TAFA3: variants seen among roughly 807,000 people sequenced by gnomAD.
TAFA3 encodes chemokine-like protein TAFA-3.
Under a neutral mutation model 20.7 loss-of-function variants are expected in TAFA3, and 17 were observed. The ratio of observed to expected loss-of-function variants is 0.82; its 90% CI spans 0.56 to 1.23. The LOEUF (loss-of-function observed/expected upper bound fraction) is 1.23. Ranked by LOEUF, TAFA3 falls within the 50% of genes most tolerant of loss-of-function variation. The pLI is 0.00. For synonymous variants in TAFA3, 74 were observed against 71.8 expected (o/e 1.03, Z -0.16); for missense variants, 174 against 172.8 (o/e 1.01, Z -0.04).
chr1:112,725,414 A>C (rs916566188), intron 5 of TAFA3, among the ~76,000 whole-genome samples: 1 of 152,004 alleles, frequency 6.6e-6, no homozygotes, highest in Non-Finnish European at 1.5e-5. Flanking sequence ...AAAAAAAAAA[A>C]ACATAGTCGA....
chr1:112,721,752 G>A (rs1675334595), intron 2 of TAFA3, among the ~76,000 whole-genome samples: 1 of 152,194 alleles, frequency 6.6e-6, no homozygotes, highest in South Asian at 2.1e-4. Flanking sequence ...ATCTGGATGG[G>A]ACTGCATTTG....
At chr1:112,720,088 G>T (rs1462092946) in intron 1 of TAFA3, among the ~76,000 whole-genome samples, 1 of 152,136 alleles carries the variant, frequency 6.6e-6, no homozygotes, top group African/African-American at 2.4e-5. Context: ...GGGAATGGGG[G>T]CAAGGGATGC....
chr1:112,721,169 A>G lies in TAFA3; in HGVS notation c.-2+535A>G, dbSNP rs76868463. On this transcript the variant is annotated intron_variant, in intron 2 of 5. Transcript: ENST00000361886. ...TGGTTGGCAGCTCAAAAAGCAAGAA[A>G]TAAATCAGGAGAAAAAGTCTCTCTT... 6.2e-3 allele frequency among the ~76,000 whole-genome samples: 942 copies of G among 152,330 alleles called. 9 individuals are homozygous for G. Among genetic ancestry groups the G allele is most frequent in the African/African-American group, 0.022 (907 of 41,568 alleles).
chr1:112,721,342 G>C (rs962764245), intron 2 of TAFA3, among the ~76,000 whole-genome samples: 1 of 151,992 alleles, frequency 6.6e-6, no homozygotes, highest in Admixed American at 6.6e-5. Context: ...ATTTATTTTT[G>C]AGCTAGGGTC....
intron 5 of TAFA3, among the ~76,000 whole-genome samples, chr1:112,725,577 C>A (rs1268133365): frequency 6.8e-6 from 1 of 147,936 alleles, no homozygotes; most frequent in Non-Finnish European, 1.5e-5. Context: ...TTCATACCTA[C>A]CCTCCTCTAG....
chr1:112,722,977 G>C (rs752347136), intron 3 of TAFA3, 39 bp from the exon 4 acceptor site: 1 of 1,576,250 alleles, frequency 6.3e-7, no homozygotes, highest in East Asian at 2.3e-5. Flanking sequence ...GAGCGGGGTC[G>C]GGCGTGTTGG....
At chr1:112,723,864 G>A in intron 4 of TAFA3, 149 bp from the exon 5 acceptor site, 1 of 1,525,960 alleles carries the variant, frequency 6.6e-7, no homozygotes, top group Non-Finnish European at 9.0e-7. Context: ...TGCCTCTCTG[G>A]GCAGCCTGGA....
In TAFA3 at chr1:112,724,042, C is replaced by A. The variant is rs1252942248; in HGVS notation, c.295C>A (p.Gln99Lys). ...CATCGTCCTGCAGAGATGGTGGTGT[C>A]AGATGGAGCCCTGCCTGCCGGGGGA... The part of the protein sequence containing the change: ...ASIVLQRWWC[Q>K]MEPCLPGEEC... Residue 99 changes from glutamine to lysine, a missense_variant, in exon 5 of 6, where the codon CAG (glutamine) becomes AAG (lysine). Coordinates refer to ENST00000361886, the MANE Select transcript of TAFA3 (RefSeq NM_182759.3). 1 of 1,613,928 alleles carries A rather than the reference C, an allele frequency of 6.2e-7. No individual in the cohort carries two copies. The highest frequency in any genetic ancestry group is 1.7e-5 in the Admixed American group (1 of 60,022).
At chr1:112,719,493 C>T (rs1210784492) in intron 1 of TAFA3, among the ~76,000 whole-genome samples, 194 bp downstream of exon 1, 1 of 152,160 alleles carries the variant, frequency 6.6e-6, no homozygotes, top group Non-Finnish European at 1.5e-5. Context: ...GAAATTGAGG[C>T]AGGAGCATGG....
rs745392252 is a variant in TAFA3, at chr1:112,724,092, G to T, written c.345G>T (p.Leu115=). The T allele has an allele frequency of 2.5e-6, 4 of 1,613,278 alleles. No homozygotes were observed. The South Asian group carries it at 4.4e-5, about 18-fold the overall frequency. ...PGEECKVLPD[L]SGWSCSSGHK... is the part of the protein sequence containing the mutation. The stretch of plus-strand genomic sequence containing the variant: ...AGGAGTGTAAGGTGCTCCCGGACCT[G>T]TCGGGATGGAGCTGCAGCAGTGGAC... Residue 115 remains leucine (L), a synonymous_variant, in exon 5 of 6, where the codon CTG becomes CTT. Coordinates refer to ENST00000361886, the MANE Select transcript of TAFA3 (RefSeq NM_182759.3).
At chr1:112,719,963 TC>T (rs1675288833) in intron 1 of TAFA3, among the ~76,000 whole-genome samples, 1 of 152,126 alleles carries the variant, frequency 6.6e-6, no homozygotes, top group Non-Finnish European at 1.5e-5. Context: ...CAGTTCTGCC[TC>T]CCTTTAGAGA....
intron 3 of TAFA3, 62 bp from the exon 4 acceptor site, chr1:112,722,954 G>A: frequency 1.3e-6 from 2 of 1,541,126 alleles, no homozygotes; most frequent in Non-Finnish European, 1.8e-6. Context: ...GGCCAGCCCG[G>A]GTGGGCGGGA....
chr1:112,724,337 T>C (rs1675407803), intron 5 of TAFA3, among the ~76,000 whole-genome samples, 200 bp downstream of exon 5: 1 of 151,934 alleles, frequency 6.6e-6, no homozygotes, highest in Non-Finnish European at 1.5e-5. Flanking sequence ...ATCCAGTGTG[T>C]CCTGGGAAGA....
At position 112,722,266 on chromosome 1, in the gene TAFA3, G is replaced by T; in HGVS notation, c.33G>T (p.Thr11=). The T allele has an allele frequency of 6.2e-7, 1 of 1,614,086 alleles. No homozygotes were observed. Among genetic ancestry groups the T allele is most frequent in the Non-Finnish European group, 8.5e-7 (1 of 1,180,006 alleles). MSERVERNWS[T]GGWLLALCLA... ...AGAGGGTCGAGCGGAACTGGAGCAC[G>T]GGCGGCTGGCTGCTGGCACTGTGCC... The change falls in exon 3 of 6, where the codon ACG becomes ACT. Residue 11 remains threonine (T), a synonymous_variant. Transcript: ENST00000361886.
intron 1 of TAFA3, among the ~76,000 whole-genome samples, chr1:112,719,823 G>A (rs1251111154): frequency 6.6e-6 from 1 of 152,122 alleles, no homozygotes; most frequent in Non-Finnish European, 1.5e-5. Context: ...CTCAGCCCAG[G>A]GAGCACACCC....
At chr1:112,721,644 T>G (rs1232292739) in intron 2 of TAFA3, among the ~76,000 whole-genome samples, 1 of 152,220 alleles carries the variant, frequency 6.6e-6, no homozygotes, top group Non-Finnish European at 1.5e-5. Flanking sequence ...CACACCATTC[T>G]ACACTTTGCT....
chr1:112,725,500 G>A (rs977658122), intron 5 of TAFA3, among the ~76,000 whole-genome samples: 2 of 150,876 alleles, frequency 1.3e-5, no homozygotes, highest in African/African-American at 4.9e-5. Context: ...TAGTCACTCT[G>A]TCACTCACCT....
At chr1:112,726,508 T>C (rs908887241) in intron 5 of TAFA3, 121 bp from the exon 6 acceptor site, 17 of 1,025,902 alleles carry the variant, frequency 1.7e-5, no homozygotes, top group Non-Finnish European at 2.5e-5. Flanking sequence ...CGGCCTGCTT[T>C]AGGGTGAGAG....
rs1189286581 is a variant in TAFA3 at position 112,726,747 on chromosome 1, T to C, written c.*107T>C. On this transcript the variant is annotated 3_prime_UTR_variant, in exon 6 of 6. Coordinates refer to ENST00000361886, the MANE Select transcript of TAFA3 (RefSeq NM_182759.3). Reference sequence around the variant, plus strand: ...GATGGGGATTCACTTACATGCCTCATGTCAAATGCAGCATCAGTCTTTCCG... The same window carrying C: ...GATGGGGATTCACTTACATGCCTCACGTCAAATGCAGCATCAGTCTTTCCG... 8 of 1,550,602 alleles carry C rather than the reference T, an allele frequency of 5.2e-6. No homozygotes were observed. Among genetic ancestry groups the C allele is most frequent in the Admixed American group, 1.7e-5 (1 of 59,658 alleles).
Sources: allele counts gnomAD v4.1 joint callset (sites outside exome capture counted in the v4.1 genomes callset), GRCh38; gene constraint gnomAD v4.1.1; transcripts MANE v1.5; gene names NCBI Gene and HGNC (gene_info 2026-07-23, HGNC 2026-07-21).